ZBTB17: variants seen among roughly 807,000 people sequenced by gnomAD.
The protein encoded by ZBTB17 is zinc finger and BTB domain containing 17, also known as zinc finger and BTB domain-containing protein 17.
A neutral mutation model predicts 85.1 loss-of-function variants in ZBTB17; 24 were observed. The observed-to-expected ratio is 0.28, with a 90% CI of 0.20 to 0.40. The LOEUF (loss-of-function observed/expected upper bound fraction) is 0.40. ZBTB17 is among the 10% of genes least tolerant of loss of function. ZBTB17 has a pLI of 1.00. For synonymous variants in ZBTB17, 464 were observed against 460.2 expected, an observed-to-expected ratio of 1.01 and a Z score of -0.11; for missense variants, 743 against 1,105.1, an observed-to-expected ratio of 0.67 and a Z score of 4.65.
chr1:15,949,205 A>G (rs2071735312), intron 2 of ZBTB17, among the ~76,000 whole-genome samples: 1 of 152,190 alleles, frequency 6.6e-6, no homozygotes, highest in Non-Finnish European at 1.5e-5. Context: ...CCTGGCCACA[A>G]CTTCTCTGTC....
rs199966280 is a variant in ZBTB17, at chr1:15,942,098, G to A, written c.2283C>T (p.Gly761=). ...GCAGCACCTGCCCGGCAGGCCACGTGCCACCTGGCCCATACTGCTGATAGA... is the reference window on the plus strand; with the variant it reads ...GCAGCACCTGCCCGGCAGGCCACGTACCACCTGGCCCATACTGCTGATAGA... The part of the protein sequence containing the change: ...ADFYQQYGPG[G]TWPAGQVLQA... Residue 761 remains glycine, a synonymous_variant, in exon 16 of 16, where the codon GGC becomes GGT. Transcript: ENST00000375743. The A allele has an allele frequency of 3.1e-6, 5 of 1,613,294 alleles. No individual in the cohort carries two copies. The highest frequency in any genetic ancestry group is 4.5e-5 in the East Asian group (2 of 44,878).
In ZBTB17 at chr1:15,946,155, G is replaced by A. The variant is rs1411745730; in HGVS notation, c.534C>T (p.Ser178=). The part of the protein sequence containing the change: ...ERGGQAQSAA[S]GAEQTEKADA... ...CTGGGTCCTTGGCATCTGACTCACC[G>A]CTGGCCGCACTCTGGGCCTGACCGC... The change falls in exon 5 of 16, where the codon AGC becomes AGT. Residue 178 remains serine (S), a splice_region_variant and synonymous_variant. Transcript: ENST00000375743. 3.7e-6 allele frequency: 6 copies of A among 1,606,006 alleles called. No homozygotes were observed. Among genetic ancestry groups the A allele is most frequent in the Admixed American group, 1.7e-5 (1 of 60,032 alleles).
chr1:15,943,053 C>T lies in ZBTB17; in HGVS notation c.1828+11G>A, dbSNP rs750824856. ...TGGGAAGGAACAGGCATGGTAGGGG[C>T]CACAGCTCACCAGTGTGAATGATGA... On this transcript the variant is annotated intron_variant, in intron 13 of 15. Coordinates refer to ENST00000375743, the MANE Select transcript of ZBTB17 (RefSeq NM_003443.3). 1.2e-6 allele frequency: 2 copies of T among 1,613,974 alleles called. No homozygotes were observed. Among genetic ancestry groups the T allele is most frequent in the Non-Finnish European group, 1.7e-6 (2 of 1,179,930 alleles).
At chr1:15,971,550 C>CTATATATATACACACACACTA (rs1557800176) in intron 2 of ZBTB17, among the ~76,000 whole-genome samples, 11 of 74,444 alleles carry the variant, frequency 1.5e-4, no homozygotes, top group Non-Finnish European at 2.4e-4. Flanking sequence ...TACACACACA[C>CTATATATATACACACACACTA]TATATATATA....
chr1:15,963,866 G>A (rs1342758186), intron 2 of ZBTB17, among the ~76,000 whole-genome samples: 1 of 152,116 alleles, frequency 6.6e-6, no homozygotes, highest in Non-Finnish European at 1.5e-5. Context: ...AGCACTTTGG[G>A]AGGCCAAAGC....
chr1:15,944,222 C>T, intron 9 of ZBTB17, 78 bp downstream of exon 9: 1 of 1,530,526 alleles, frequency 6.5e-7, no homozygotes, highest in Non-Finnish European at 8.8e-7. Context: ...TGCTCCCCGC[C>T]CGCCCCACCA....
Position 15,951,315 on chromosome 1 carries a change from G to C in ZBTB17, c.-2-2818C>G, listed in dbSNP as rs1387836832. On this transcript the variant is annotated intron_variant, in intron 2 of 15. Transcript: ENST00000375743. The surrounding 1 kb of genome is among the most constrained non-coding windows in gnomAD (Gnocchi z 4.1). ...GAAAGGAGAGAGAAGAAGGAAGGAA[G>C]GAAGGGAGAGAGGGAGGGAGGGAGG... Among the ~76,000 whole-genome samples, 46 of 150,720 alleles carry C rather than the reference G, an allele frequency of 3.1e-4. 1 individual carries two copies. The highest frequency in any genetic ancestry group is 3.0e-3 in the Admixed American group (46 of 15,212).
intron 2 of ZBTB17, among the ~76,000 whole-genome samples, chr1:15,965,310 T>G (rs1296165750): frequency 6.6e-6 from 1 of 151,616 alleles, no homozygotes; most frequent in Non-Finnish European, 1.5e-5. Flanking sequence ...AGCAAGACAA[T>G]CTGTTGTTTC....
chr1:15,960,548 G>T (rs1203759297), intron 2 of ZBTB17, among the ~76,000 whole-genome samples: 2 of 152,116 alleles, frequency 1.3e-5, no homozygotes, highest in Non-Finnish European at 2.9e-5. Flanking sequence ...ACCAGGAAAA[G>T]GCCCCCCACA....
chr1:15,944,214 C>T, intron 9 of ZBTB17, 86 bp downstream of exon 9: 1 of 1,510,408 alleles, frequency 6.6e-7, no homozygotes, highest in Non-Finnish European at 8.9e-7. Context: ...CGGGGCTGTG[C>T]TCCCCGCCCG....
At chr1:15,968,920 C>T (rs1261636032) in intron 2 of ZBTB17, among the ~76,000 whole-genome samples, 2 of 152,220 alleles carry the variant, frequency 1.3e-5, no homozygotes, top group Non-Finnish European at 1.5e-5. Context: ...GTCCACTATA[C>T]CAGGGGTTCC....
At chr1:15,945,349 C>A (rs1215686294) in intron 6 of ZBTB17, 147 bp from the exon 7 acceptor site, 2 of 1,425,836 alleles carry the variant, frequency 1.4e-6, no homozygotes, top group East Asian at 5.0e-5. Flanking sequence ...TGGGTATTTG[C>A]TGCTTGCGGG....
At position 15,944,789 on chromosome 1, in the gene ZBTB17, G is replaced by A. The variant is rs1470201499; in HGVS notation, c.978C>T (p.Arg326=). The A allele has an allele frequency of 6.2e-7, 1 of 1,612,120 alleles. No individual in the cohort carries two copies. The highest frequency in any genetic ancestry group is 1.3e-5 in the African/African-American group (1 of 74,914). The change falls in exon 8 of 16, where the codon CGC becomes CGT. Residue 326 remains arginine (R), a synonymous_variant. Transcript: ENST00000375743. Reference sequence around the variant, plus strand: ...AGAAGGGCTTCTCCCCCGTGTGGATGCGGATGTGCCGCTTGAAGTTCCCCG... The same window carrying A: ...AGAAGGGCTTCTCCCCCGTGTGGATACGGATGTGCCGCTTGAAGTTCCCCG... ...THTGNFKRHI[R]IHTGEKPFSC...
In ZBTB17 at chr1:15,959,866, C is replaced by CT. The variant is rs144231905; in HGVS notation, c.-2-11370dup. ...CCTTTATTTCTATCTATCATAAAATCTTTAAGACATTTTCTACAAGACCTA... is the reference window on the plus strand; with the variant it reads ...CCTTTATTTCTATCTATCATAAAATCTTTTAAGACATTTTCTACAAGACCTA... On this transcript the variant is annotated intron_variant, in intron 2 of 15. Transcript: ENST00000375743. Among the ~76,000 whole-genome samples the CT allele has an allele frequency of 7.3e-3, 1,118 of 152,278 alleles. 24 individuals carry two copies. Among genetic ancestry groups the CT allele is most frequent in the African/African-American group, 0.025 (1,059 of 41,556 alleles).
chr1:15,971,580 T>C (rs536542915), intron 2 of ZBTB17, among the ~76,000 whole-genome samples: 15 of 128,740 alleles, frequency 1.2e-4, no homozygotes, highest in Admixed American at 7.0e-4. Context: ...TATATATATA[T>C]ACACACACAC....
intron 2 of ZBTB17, among the ~76,000 whole-genome samples, chr1:15,958,359 G>C (rs1241334680): frequency 6.8e-6 from 1 of 147,542 alleles, no homozygotes; most frequent in Non-Finnish European, 1.5e-5. Flanking sequence ...GCTGGCCAAA[G>C]CCTTGGGAAG....
At chr1:15,949,300 G>A (rs1045133029) in intron 2 of ZBTB17, among the ~76,000 whole-genome samples, 1 of 152,080 alleles carries the variant, frequency 6.6e-6, no homozygotes, top group Non-Finnish European at 1.5e-5. Context: ...GTCTTGAACC[G>A]CACAAGCCGT....
In ZBTB17 at chr1:15,964,070, C is replaced by T. The variant is rs1405463379; in HGVS notation, c.-3+8969G>A. 2.0e-5 allele frequency among the ~76,000 whole-genome samples: 3 copies of T among 150,124 alleles called. No homozygotes were observed. The highest frequency in any genetic ancestry group is 4.4e-5 in the Non-Finnish European group (3 of 67,768). ...AGAAGGTCCAGGCTGCAGTAAGCTG[C>T]GATTGTGCCACGGCACTCCAGCCTG... is the stretch of plus-strand genomic sequence containing the variant. On this transcript the variant is annotated intron_variant, in intron 2 of 15. Transcript: ENST00000375743. The surrounding 1 kb of genome is among the most constrained non-coding windows in gnomAD (Gnocchi z 4.3).
Position 15,945,286 on chromosome 1 carries a change from C to CA in ZBTB17, c.662-85dup, listed in dbSNP as rs1244514479. 5 of 1,507,056 alleles carry CA rather than the reference C, an allele frequency of 3.3e-6. No individual in the cohort carries two copies. The East Asian group carries it at 1.2e-4, about 37-fold the overall frequency. The allele number at this position is 1,507,056 out of a possible 1,614,324, so 93.4% of individuals were successfully genotyped here. On this transcript the variant is annotated intron_variant, in intron 6 of 15. Coordinates refer to ENST00000375743, the MANE Select transcript of ZBTB17 (RefSeq NM_003443.3). ...GGGCGCCGGCAACATGTGGAAGGGACAGTAAATGGCCCCAGCACTGGCCAA... is the reference window on the plus strand; with the variant it reads ...GGGCGCCGGCAACATGTGGAAGGGACAAGTAAATGGCCCCAGCACTGGCCAA...
Sources: allele counts gnomAD v4.1 joint callset (sites outside exome capture counted in the v4.1 genomes callset), GRCh38; gene constraint gnomAD v4.1.1; non-coding constraint Gnocchi (gnomAD v3.1); transcripts MANE v1.5; gene names NCBI Gene and HGNC (gene_info 2026-07-23, HGNC 2026-07-21).